The following TUSC3 variants were observed in gnomAD, a reference collection of about 807,000 sequenced individuals.
TUSC3 encodes the protein tumor suppressor candidate 3, also known as dolichyl-diphosphooligosaccharide--protein glycosyltransferase subunit TUSC3.
A neutral mutation model predicts 44.8 loss-of-function variants in TUSC3; 45 were observed. That is an observed-to-expected ratio of 1.00 (90% CI 0.79 to 1.29). TUSC3 has a LOEUF of 1.29. Ranked by LOEUF, TUSC3 falls within the 50% of genes most tolerant of loss-of-function variation. The pLI is 0.00. For synonymous variants in TUSC3, 212 were observed against 152.9 expected (o/e 1.39, Z -2.85); for missense variants, 519 against 437.9 (o/e 1.19, Z -1.65).
chr8:15,583,291 CTT>C (rs1380022162), intron 1 of TUSC3, among the ~76,000 whole-genome samples: 1 of 152,092 alleles, frequency 6.6e-6, no homozygotes, highest in African/African-American at 2.4e-5. Flanking sequence ...ATGTTCAATT[CTT>C]TTTTGGTTTA....
chr8:15,718,575 G>A (rs959497413), intron 6 of TUSC3, among the ~76,000 whole-genome samples: 2 of 152,050 alleles, frequency 1.3e-5, no homozygotes, highest in African/African-American at 2.4e-5. Context: ...TGAATTTAAC[G>A]ATACACATCT....
chr8:15,637,221 C>A (rs968186490), intron 2 of TUSC3, among the ~76,000 whole-genome samples: 6 of 150,080 alleles, frequency 4.0e-5, no homozygotes, highest in Non-Finnish European at 5.9e-5. Flanking sequence ...TTAAAATCCA[C>A]CCCATTCCCT....
At chr8:15,533,080 C>T (rs1309689628) in intron 2 of TUSC3, among the ~76,000 whole-genome samples, 2 of 152,170 alleles carry the variant, frequency 1.3e-5, no homozygotes, top group Non-Finnish European at 2.9e-5. Context: ...TATGAGCCAC[C>T]ACGCCCAGAC....
At position 15,627,796 on chromosome 8, in the gene TUSC3, C is replaced by T. The variant is rs573353788; in HGVS notation, c.308+4547C>T. 5.9e-5 allele frequency among the ~76,000 whole-genome samples: 9 copies of T among 152,348 alleles called. No homozygotes were observed. The East Asian group carries it at 1.7e-3, about 29-fold the overall frequency. On this transcript the variant is annotated intron_variant, in intron 2 of 10. Transcript: ENST00000503731. ...CAGCATGCCTGGCTGTGTGCAGTGG[C>T]CAGACCCCATGCTCACTCACACACT...
chr8:15,655,611 A>T (rs1010577169), intron 3 of TUSC3, among the ~76,000 whole-genome samples: 1 of 152,164 alleles, frequency 6.6e-6, no homozygotes, highest in African/African-American at 2.4e-5. Flanking sequence ...CAAAACTTTT[A>T]AATAAACGTC....
intron 1 of TUSC3, among the ~76,000 whole-genome samples, chr8:15,553,232 A>G (rs928727386): frequency 2.6e-5 from 4 of 151,762 alleles, no homozygotes; most frequent in African/African-American, 9.7e-5. Flanking sequence ...AGACTTGAAA[A>G]TCATTCGCCT....
At position 15,690,519 on chromosome 8, in the gene TUSC3, C is replaced by G. The variant is rs1216794403; in HGVS notation, c.798+16683C>G. 3.3e-5 allele frequency among the ~76,000 whole-genome samples: 5 copies of G among 152,158 alleles called. No individual in the cohort carries two copies. The East Asian group carries it at 9.7e-4, about 29-fold the overall frequency. ...CTTTAGTTTAATTATGTCCCATTTG[C>G]CAATTTTTCTTTTTCTTGGAGTTGC... On this transcript the variant is annotated intron_variant, in intron 6 of 10. Coordinates refer to ENST00000503731, the MANE Select transcript of TUSC3 (RefSeq NM_006765.4).
intron 5 of TUSC3, 55 bp from the exon 6 acceptor site, chr8:15,673,692 C>T: frequency 1.5e-6 from 2 of 1,332,076 alleles, no homozygotes; most frequent in African/African-American, 1.4e-5. Context: ...TTTAGAAATG[C>T]ATTATTCTGG....
chr8:15,528,998 A>C (rs1801414401), intron 2 of TUSC3, among the ~76,000 whole-genome samples: 1 of 152,170 alleles, frequency 6.6e-6, no homozygotes, highest in South Asian at 2.1e-4. Flanking sequence ...AGTTCTTTGA[A>C]ATTTTATTTC....
At chr8:15,825,700 T>C in the TUSC3 span, among the ~76,000 whole-genome samples, 2 of 152,102 alleles carry the variant, frequency 1.3e-5, no homozygotes, top group African/African-American at 4.8e-5. Context: ...CCTTGAAGTG[T>C]TACGTATAAT....
At chr8:15,768,332 G>A (rs1456169738), downstream of TUSC3, among the ~76,000 whole-genome samples, 3 of 152,094 alleles carry the variant, frequency 2.0e-5, no homozygotes, top group African/African-American at 7.2e-5. Flanking sequence ...AAAACTTGGG[G>A]AGAGGGCAGA....
At chr8:15,428,000 G>C (rs1422960648) in intron 1 of TUSC3, among the ~76,000 whole-genome samples, 1 of 151,296 alleles carries the variant, frequency 6.6e-6, no homozygotes, top group East Asian at 1.9e-4. Context: ...TTAAGTTTTA[G>C]GGTACATGTG....
At chr8:15,720,724 G>T (rs75126980) in intron 6 of TUSC3, among the ~76,000 whole-genome samples, 1,534 of 152,158 alleles carry the variant, frequency 0.01, 17 homozygotes, top group African/African-American at 0.035. Context: ...TATAAGAGAA[G>T]TTTCAAGAAT....
intron 7 of TUSC3, among the ~76,000 whole-genome samples, chr8:15,739,298 A>C (rs778395041): frequency 1.3e-5 from 2 of 152,054 alleles, no homozygotes; most frequent in Non-Finnish European, 2.9e-5. Flanking sequence ...TCAGTATTTT[A>C]TGTTTTGCCT....
At chr8:15,503,962 G>A (rs13257613) in intron 2 of TUSC3, among the ~76,000 whole-genome samples, 56,696 of 149,294 alleles carry the variant, frequency 0.38, 11,094 homozygotes, top group Non-Finnish European at 0.44. Context: ...TGCAGCAAGC[G>A]GAGATCGCAC....
chr8:15,793,248 A>G, the TUSC3 span, among the ~76,000 whole-genome samples: 2 of 152,114 alleles, frequency 1.3e-5, no homozygotes. Context: ...CTAACTATGG[A>G]AACTCTGCTG....
intron 1 of TUSC3, among the ~76,000 whole-genome samples, chr8:15,613,829 T>C (rs1804868616): frequency 1.3e-5 from 2 of 152,170 alleles, no homozygotes; most frequent in Non-Finnish European, 2.9e-5. Flanking sequence ...CCAACTTTCA[T>C]TCTTCACTGG....
chr8:15,586,060 T>C (rs1267805154), intron 1 of TUSC3, among the ~76,000 whole-genome samples: 2 of 152,004 alleles, frequency 1.3e-5, no homozygotes, highest in Non-Finnish European at 2.9e-5. Context: ...GAGTATGGTA[T>C]GTCAGAAACC....
upstream of TUSC3, among the ~76,000 whole-genome samples, chr8:15,536,074 G>A (rs942110913): frequency 2.6e-5 from 4 of 152,160 alleles, no homozygotes; most frequent in Admixed American, 6.5e-5. Flanking sequence ...TCTCCTTCCA[G>A]TGTGCCCCAG....
Sources: allele counts gnomAD v4.1 joint callset (sites outside exome capture counted in the v4.1 genomes callset), GRCh38; gene constraint gnomAD v4.1.1; transcripts MANE v1.5; gene names NCBI Gene and HGNC (gene_info 2026-07-23, HGNC 2026-07-21).